Variants in RYR2 observed in about 807,000 individuals in gnomAD.
The protein encoded by RYR2 is cardiac muscle ryanodine receptor-calcium release channel.
In RYR2, 227 loss-of-function variants were observed where a neutral mutation model predicts 601.1. The observed-to-expected ratio is 0.38, with a 90% CI of 0.34 to 0.42. RYR2 has a LOEUF of 0.42. Ranked by LOEUF, RYR2 falls within the 10% of genes least tolerant of loss-of-function variation. The pLI, the probability that RYR2 is intolerant of heterozygous loss-of-function variation, is 1.00. For synonymous variants in RYR2, 2,223 were observed against 2,175.1 expected, an observed-to-expected ratio of 1.02 and a Z score of -0.61; for missense variants, 4,646 against 6,156.5, an observed-to-expected ratio of 0.75 and a Z score of 8.21.
chr1:237,614,473 T>C lies in RYR2; in HGVS notation c.5345T>C (p.Phe1782Ser). The change falls in exon 37 of 105, where the codon TTC (phenylalanine) becomes TCC (serine). Residue 1782 changes from phenylalanine to serine, a missense_variant. Physicochemically the swap from Phe to Ser is radical, Grantham distance 155. Coordinates refer to ENST00000366574, the MANE Select transcript of RYR2 (RefSeq NM_001035.3). This position sits in a 1 kb window ranked among gnomAD's most constrained non-coding sequence, Gnocchi z 4.3. ...GAATGTTACCAGTACAGTCCAGAGT[T>C]CCCACTGGACATCCTCAAGTCCAAA... The part of the protein sequence containing the change: ...SNECYQYSPE[F>S]PLDILKSKTI... 6.2e-7 allele frequency: 1 copy of C among 1,613,968 alleles called. No individual in the cohort carries two copies. Among genetic ancestry groups the C allele is most frequent in the Non-Finnish European group, 8.5e-7 (1 of 1,179,858 alleles).
chr1:237,332,166 A>G (rs976955493), intron 3 of RYR2, among the ~76,000 whole-genome samples: 3 of 152,194 alleles, frequency 2.0e-5, no homozygotes, highest in African/African-American at 7.2e-5. Context: ...ATGGTAATAT[A>G]TAAATGATTA....
chr1:237,066,563 C>T (rs1234540833), intron 1 of RYR2, among the ~76,000 whole-genome samples: 1 of 90,962 alleles, frequency 1.1e-5, no homozygotes, highest in Non-Finnish European at 2.4e-5. Flanking sequence ...GATATCTAAT[C>T]ATGGTATTAA....
chr1:237,341,077 C>A (rs1174132093), intron 3 of RYR2, among the ~76,000 whole-genome samples: 1 of 152,126 alleles, frequency 6.6e-6, no homozygotes, highest in Non-Finnish European at 1.5e-5. Context: ...TCAATTTAAG[C>A]AGGATGTAAT....
intron 2 of RYR2, among the ~76,000 whole-genome samples, chr1:237,284,125 G>C (rs1022367282): frequency 6.6e-6 from 1 of 152,204 alleles, no homozygotes; most frequent in Non-Finnish European, 1.5e-5. Flanking sequence ...GCTCACGCCT[G>C]TAATCCCAGC....
At chr1:237,633,789 A>G in intron 43 of RYR2, 79 bp downstream of exon 43, 1 of 1,387,422 alleles carries the variant, frequency 7.2e-7, no homozygotes. Flanking sequence ...TTTTGTTAAA[A>G]AATGTGCAAT....
intron 1 of RYR2, among the ~76,000 whole-genome samples, chr1:237,061,569 G>A (rs966705005): frequency 6.6e-6 from 1 of 152,168 alleles, no homozygotes; most frequent in Non-Finnish European, 1.5e-5. Context: ...AAAGTGGTAG[G>A]ATTACAAATG....
At chr1:237,105,814 G>A (rs962109833) in intron 1 of RYR2, among the ~76,000 whole-genome samples, 14 of 129,660 alleles carry the variant, frequency 1.1e-4, no homozygotes, top group Admixed American at 2.8e-4. Flanking sequence ...CAGCCTGGGC[G>A]ACAAAGCGAG....
chr1:237,553,604 T>C (rs1224314051), intron 27 of RYR2, among the ~76,000 whole-genome samples: 6 of 152,100 alleles, frequency 3.9e-5, no homozygotes, highest in African/African-American at 1.4e-4. Flanking sequence ...GGGATTACAG[T>C]TGAATTCATA....
Position 237,781,655 on chromosome 1 carries a change from G to T in RYR2, c.11962+9G>T. 2 of 1,451,904 alleles carry T rather than the reference G, an allele frequency of 1.4e-6. No individual in the cohort carries two copies. The highest frequency in any genetic ancestry group is 2.4e-5 in the South Asian group (2 of 82,044). 89.9% of individuals were successfully genotyped at this position (1,451,904 alleles called of 1,614,324 possible). ...GCTGTCCATGTTAGAAGGTAGTTTTGATTTATACTTTTAAATTCTCTTTAT... is the reference window on the plus strand; with the variant it reads ...GCTGTCCATGTTAGAAGGTAGTTTTTATTTATACTTTTAAATTCTCTTTAT... On this transcript the variant is annotated intron_variant, in intron 89 of 104. Transcript: ENST00000366574.
At chr1:237,287,501 A>G (rs1320795220) in intron 2 of RYR2, among the ~76,000 whole-genome samples, 1 of 151,842 alleles carries the variant, frequency 6.6e-6, no homozygotes, top group Non-Finnish European at 1.5e-5. Context: ...CTTTGTTCAT[A>G]TTTTCTTACT....
chr1:237,687,510 G>A lies in RYR2; in HGVS notation c.9067+6G>A. The A allele has an allele frequency of 6.2e-7, 1 of 1,604,184 alleles. No homozygotes were observed. The highest frequency in any genetic ancestry group is 2.2e-5 in the East Asian group (1 of 44,760). ...GCATAGGATTTCACTATTTGGTAAG[G>A]AGACCCTTGAAAAAATACAAGCATG... On this transcript the variant is annotated splice_donor_region_variant and intron_variant, in intron 63 of 104. Transcript: ENST00000366574.
intron 1 of RYR2, among the ~76,000 whole-genome samples, chr1:237,148,523 AAAAAATATATATAT>A (rs1674283112): frequency 4.1e-5 from 2 of 48,286 alleles, no homozygotes; most frequent in African/African-American, 6.1e-5. Context: ...AGTAAAAAAA[AAAAAATATATATAT>A]ATATATATAT....
chr1:237,653,006 A>T (rs1394068365), intron 51 of RYR2, among the ~76,000 whole-genome samples: 6 of 152,236 alleles, frequency 3.9e-5, no homozygotes, highest in Admixed American at 6.5e-5. Flanking sequence ...GGAAAGGGTC[A>T]AAATATGTAT....
chr1:237,539,398 A>G (rs1669012754), intron 25 of RYR2, among the ~76,000 whole-genome samples: 1 of 152,226 alleles, frequency 6.6e-6, no homozygotes, highest in Non-Finnish European at 1.5e-5. Flanking sequence ...TCATAGCAGA[A>G]TAACCTTTTC....
intron 3 of RYR2, among the ~76,000 whole-genome samples, chr1:237,351,706 A>G (rs1698854779): frequency 6.6e-6 from 1 of 151,962 alleles, no homozygotes; most frequent in South Asian, 2.1e-4. Flanking sequence ...CTTCTCACAA[A>G]GAAGTCCAGG....
At chr1:237,755,238 G>A in intron 80 of RYR2, 2 of 437,260 alleles carry the variant, frequency 4.6e-6, no homozygotes, top group Non-Finnish European at 7.3e-6. Context: ...TCTGTAACTA[G>A]CAAGCCTTCA....
intron 2 of RYR2, among the ~76,000 whole-genome samples, chr1:237,326,899 T>C (rs1012719959): frequency 2.0e-5 from 3 of 152,188 alleles, no homozygotes; most frequent in Non-Finnish European, 2.9e-5. Flanking sequence ...CCCTTTATTT[T>C]CCAGTGATGC....
At chr1:237,335,253 A>G (rs141062827) in intron 3 of RYR2, among the ~76,000 whole-genome samples, 1 of 152,312 alleles carries the variant, frequency 6.6e-6, no homozygotes, top group East Asian at 1.9e-4. Flanking sequence ...AATTTAAGTA[A>G]TATTGTGCTT....
intron 10 of RYR2, among the ~76,000 whole-genome samples, chr1:237,395,577 C>T (rs1227874296): frequency 1.5e-5 from 2 of 133,392 alleles, no homozygotes; most frequent in East Asian, 2.0e-4. Context: ...GACAGAGTCT[C>T]GCTTTGTTCC....
Sources: allele counts gnomAD v4.1 joint callset (sites outside exome capture counted in the v4.1 genomes callset), GRCh38; gene constraint gnomAD v4.1.1; non-coding constraint Gnocchi (gnomAD v3.1); transcripts MANE v1.5; gene names NCBI Gene and HGNC (gene_info 2026-07-23, HGNC 2026-07-21).